Variants in POLA1 observed in about 807,000 individuals in gnomAD.
POLA1 encodes the protein DNA polymerase alpha catalytic subunit.
Under a neutral mutation model 124.0 loss-of-function variants are expected in POLA1, and 15 were observed. That is an observed-to-expected ratio of 0.12 (90% CI 0.08 to 0.19). The LOEUF (loss-of-function observed/expected upper bound fraction) is 0.19. Among genes scored for constraint, POLA1 ranks in the 10% least tolerant of loss-of-function variants. The pLI is 1.00. For missense variants in POLA1, 886 were observed against 1,103.4 expected, an observed-to-expected ratio of 0.80 and a Z score of 2.79; for synonymous variants, 408 against 389.4, an observed-to-expected ratio of 1.05 and a Z score of -0.56.
intron 34 of POLA1, among the ~76,000 whole-genome samples, chrX:24,851,898 C>G (rs1403241465): frequency 1.8e-5 from 2 of 112,636 alleles, no homozygotes; most frequent in African/African-American, 6.5e-5. Context: ...GTGAGATTTT[C>G]ACACAGTTGA....
At chrX:24,751,768 C>A (rs1471636840) in intron 26 of POLA1, among the ~76,000 whole-genome samples, 1 of 111,981 alleles carries the variant, frequency 8.9e-6, no homozygotes, top group Non-Finnish European at 1.9e-5. Context: ...GGGTTAGCGT[C>A]TCTTAATTAT....
intron 26 of POLA1, among the ~76,000 whole-genome samples, chrX:24,763,165 G>T (rs1223576204): frequency 8.9e-6 from 1 of 112,012 alleles, no homozygotes. Flanking sequence ...GCTATTATTA[G>T]AATAGAATTC....
intron 34 of POLA1, among the ~76,000 whole-genome samples, chrX:24,856,685 A>G (rs766961699): frequency 9.0e-6 from 1 of 111,463 alleles, no homozygotes; most frequent in African/African-American, 3.3e-5. Context: ...TATTTTAGAC[A>G]TTTTAATATG....
intron 36 of POLA1, among the ~76,000 whole-genome samples, chrX:24,970,085 A>C (rs1207557450): frequency 1.8e-5 from 2 of 112,228 alleles, no homozygotes; most frequent in Non-Finnish European, 3.8e-5. Flanking sequence ...TGGATGTTTA[A>C]ATTGATTCCA....
At chrX:24,933,436 G>A (rs958252845) in intron 36 of POLA1, among the ~76,000 whole-genome samples, 8 of 111,759 alleles carry the variant, frequency 7.2e-5, no homozygotes, top group Non-Finnish European at 1.5e-4. Flanking sequence ...ATTCAATTTG[G>A]ACCATGGCCA....
rs573187787 is a variant in POLA1 at position 24,717,877 on chromosome X, T to G, written c.1087+119T>G. ...TTTTTATTTAATCAGTTTATTTCTG[T>G]TTTTTTTTTCTTTATCCTTAAATAC... On this transcript the variant is annotated intron_variant, in intron 10 of 36. Coordinates refer to ENST00000379068, the MANE Select transcript of POLA1 (RefSeq NM_001330360.2). The G allele has an allele frequency of 9.7e-4, 456 of 467,748 alleles. 6 individuals are homozygous for G. The South Asian group carries it at 0.022, about 23-fold the overall frequency. 38.5% of individuals were successfully genotyped at this position (467,748 alleles called of 1,213,427 possible).
At chrX:24,826,188 A>G (rs1050482567) in intron 31 of POLA1, among the ~76,000 whole-genome samples, 4 of 112,287 alleles carry the variant, frequency 3.6e-5, no homozygotes, top group African/African-American at 1.3e-4. Context: ...AGAACACAAC[A>G]TATACTGGAT....
At chrX:24,697,361 A>G (rs910441255) in intron 1 of POLA1, among the ~76,000 whole-genome samples, 10 of 111,842 alleles carry the variant, frequency 8.9e-5, no homozygotes, top group Non-Finnish European at 1.9e-4. Context: ...TTCAGGGGTC[A>G]TGTTCAGTAA....
intron 1 of POLA1, among the ~76,000 whole-genome samples, chrX:24,697,080 T>C (rs1928060583): frequency 1.8e-5 from 2 of 111,539 alleles, no homozygotes; most frequent in South Asian, 7.5e-4. Flanking sequence ...TCTTACCTTT[T>C]CTATGGCACC....
At chrX:24,912,463 T>C (rs1359154156) in intron 35 of POLA1, among the ~76,000 whole-genome samples, 2 of 111,457 alleles carry the variant, frequency 1.8e-5, no homozygotes, top group Admixed American at 1.9e-4. Flanking sequence ...AAATTACATA[T>C]CTAACAAAGG....
chrX:24,826,600 G>A lies in POLA1; in HGVS notation c.3735G>A (p.Leu1245=). Residue 1245 remains leucine, a splice_region_variant and synonymous_variant, in exon 32 of 37, where the codon TTG becomes TTA. Transcript: ENST00000379068. ...ATGCTGTCCTCATTGCAACGTGGTT[G>A]GGTAAGTGTCCCAAGCTCACATAGA... ...GIDAVLIATW[L]GLDPTQFRVH... 2 of 1,182,399 alleles carry A rather than the reference G, an allele frequency of 1.7e-6. No individual in the cohort carries two copies. Among genetic ancestry groups the A allele is most frequent in the Non-Finnish European group, 2.3e-6 (2 of 875,398 alleles).
intron 34 of POLA1, among the ~76,000 whole-genome samples, chrX:24,879,488 A>G (rs1390186455): frequency 8.9e-6 from 1 of 112,442 alleles, no homozygotes; most frequent in East Asian, 2.8e-4. Context: ...ATATAAAATG[A>G]AAGCAGGGTG....
intron 1 of POLA1, among the ~76,000 whole-genome samples, chrX:24,696,065 G>A (rs758356675): frequency 2.7e-5 from 3 of 112,674 alleles, no homozygotes; most frequent in Non-Finnish European, 3.8e-5. Context: ...ACGCGGAAGC[G>A]TTACATGAGC....
At chrX:24,786,122 A>G (rs1174154722) in intron 26 of POLA1, among the ~76,000 whole-genome samples, 3 of 112,478 alleles carry the variant, frequency 2.7e-5, no homozygotes, top group Non-Finnish European at 5.6e-5. Context: ...CTCAGCGGAC[A>G]CTTAGGTTGT....
At chrX:24,710,953 C>T (rs779017072) in intron 4 of POLA1, among the ~76,000 whole-genome samples, 6 of 110,780 alleles carry the variant, frequency 5.4e-5, no homozygotes, top group African/African-American at 9.9e-5. Flanking sequence ...TGTGAGCCAC[C>T]GCGCTGGCAT....
In POLA1 at chrX:24,810,711, A is replaced by C. The variant is rs2148495493; in HGVS notation, c.3001A>C (p.Asn1001His). 1.0e-6 allele frequency: 1 copy of C among 960,008 alleles called. No homozygotes were observed. The highest frequency in any genetic ancestry group is 1.5e-6 in the Non-Finnish European group (1 of 687,791). The allele number at this position is 960,008 out of a possible 1,213,427, so 79.1% of individuals were successfully genotyped here. The part of the protein sequence containing the change: ...MHTKEMVQKM[N>H]LEVIYGDTDS... ...TATAATTTTTGCTTTTCATCAGATG[A>C]ATCTTGAAGTTATTTATGGAGATAC... Residue 1001 changes from asparagine (N) to histidine (H), a missense_variant, in exon 28 of 37, where the codon AAT becomes CAT. By Grantham distance (68) the Asn-to-His change is moderately conservative (BLOSUM62 1). Transcript: ENST00000379068.
intron 30 of POLA1, among the ~76,000 whole-genome samples, chrX:24,817,607 CAAAAAAAAA>C (rs1171262514): frequency 4.2e-3 from 142 of 33,485 alleles, no homozygotes; most frequent in African/African-American, 0.013. Context: ...GATTCCATCT[CAAAAAAAAA>C]AAAAAAAAAA....
chrX:24,776,527 C>T (rs1437468721), intron 26 of POLA1, among the ~76,000 whole-genome samples: 1 of 111,829 alleles, frequency 8.9e-6, no homozygotes, highest in Non-Finnish European at 1.9e-5. Context: ...TTGGAGTTTA[C>T]AAAACTGTAC....
At chrX:24,905,386 A>C (rs1207296070) in intron 35 of POLA1, among the ~76,000 whole-genome samples, 1 of 88,842 alleles carries the variant, frequency 1.1e-5, no homozygotes, top group East Asian at 4.4e-4. Flanking sequence ...AAATCCTATA[A>C]GAAGAACCAG....
Sources: allele counts gnomAD v4.1 joint callset (sites outside exome capture counted in the v4.1 genomes callset), GRCh38; gene constraint gnomAD v4.1.1; transcripts MANE v1.5; gene names NCBI Gene and HGNC (gene_info 2026-07-23, HGNC 2026-07-21).